SCAI: variants seen among roughly 807,000 people sequenced by gnomAD.
SCAI encodes suppressor of cancer cell invasion.
In SCAI, 24 loss-of-function variants were observed where a neutral mutation model predicts 92.2. That is an observed-to-expected ratio of 0.26 (90% CI 0.19 to 0.37). The LOEUF (loss-of-function observed/expected upper bound fraction) is 0.37, where lower values mean the gene tolerates loss of function less well. Among genes scored for constraint, SCAI ranks in the 10% least tolerant of loss-of-function variants. SCAI has a pLI of 1.00. For synonymous variants in SCAI, 261 were observed against 258.6 expected (o/e 1.01, Z -0.09); for missense variants, 450 against 736.2 (o/e 0.61, Z 4.50).
At chr9:125,025,325 A>T (rs1033977150) in intron 6 of SCAI, among the ~76,000 whole-genome samples, 4 of 152,352 alleles carry the variant, frequency 2.6e-5, no homozygotes, top group Middle Eastern at 3.4e-3. Context: ...CTGCAAAGGA[A>T]AACAATTCAA....
At chr9:125,033,987 C>G (rs542865995) in intron 3 of SCAI, among the ~76,000 whole-genome samples, 42 of 152,200 alleles carry the variant, frequency 2.8e-4, no homozygotes, top group Non-Finnish European at 4.6e-4. Flanking sequence ...GGGAAATAGA[C>G]GACACACAAG....
At chr9:125,102,839 C>A (rs981320184) in intron 2 of SCAI, among the ~76,000 whole-genome samples, 1 of 152,132 alleles carries the variant, frequency 6.6e-6, no homozygotes, top group Non-Finnish European at 1.5e-5. Flanking sequence ...CTCAGGTGAT[C>A]CACCCACCCC....
intron 2 of SCAI, among the ~76,000 whole-genome samples, chr9:125,131,610 G>A (rs1308103738): frequency 2.6e-5 from 4 of 151,896 alleles, no homozygotes. Flanking sequence ...TTTCATTCTT[G>A]AGTAAAATAT....
chr9:125,079,121 A>C (rs1354900878), intron 2 of SCAI, among the ~76,000 whole-genome samples: 1 of 151,770 alleles, frequency 6.6e-6, no homozygotes, highest in Admixed American at 6.6e-5. Flanking sequence ...CTATTTTGAT[A>C]ATTGTTTCCT....
chr9:124,953,879 A>AT (rs775244733), intron 17 of SCAI, among the ~76,000 whole-genome samples: 66 of 149,932 alleles, frequency 4.4e-4, no homozygotes, highest in South Asian at 3.2e-3. Context: ...ACAAAAATAA[A>AT]TTTTTTTTTT....
chr9:124,978,256 CAT>C (rs1831802885), intron 14 of SCAI, among the ~76,000 whole-genome samples: 2 of 152,160 alleles, frequency 1.3e-5, no homozygotes, highest in South Asian at 4.1e-4. Flanking sequence ...GCCTGGCCAA[CAT>C]AATGAAACCC....
intron 6 of SCAI, among the ~76,000 whole-genome samples, chr9:125,022,648 C>A (rs1187339467): frequency 1.3e-5 from 2 of 152,056 alleles, no homozygotes; most frequent in Non-Finnish European, 2.9e-5. Flanking sequence ...GAACTCCTGG[C>A]CGCAAGCAAT....
At chr9:125,107,822 ATCTCCCTCTCCCCACAG>A (rs1279230221) in intron 2 of SCAI, among the ~76,000 whole-genome samples, 2 of 151,740 alleles carry the variant, frequency 1.3e-5, no homozygotes, top group African/African-American at 4.8e-5. Flanking sequence ...TCCCCTCTCC[ATCTCCCTCTCCCCACAG>A]TCTCCCTCTC....
In SCAI at chr9:125,100,717, AGACAAAGGG is replaced by A. The variant is rs369465692; in HGVS notation, c.98+41907_98+41915del. Among the ~76,000 whole-genome samples the A allele has an allele frequency of 1.0e-3, 155 of 152,326 alleles. 1 individual carries two copies. Among genetic ancestry groups the A allele is most frequent in the African/African-American group, 3.5e-3 (147 of 41,568 alleles). ...TAAGTGCTCTGGAGAAAAAGCAAGC[AGACAAAGGG>A]GACAAAGAGCTGCAATTGGAAACAG... is the stretch of plus-strand genomic sequence containing the variant. On this transcript the variant is annotated intron_variant, in intron 2 of 17. Coordinates refer to ENST00000336505, the MANE Select transcript of SCAI (RefSeq NM_001144877.3).
chr9:125,028,611 A>G, intron 4 of SCAI, 133 bp from the exon 5 acceptor site: 1 of 456,520 alleles, frequency 2.2e-6, no homozygotes, highest in Non-Finnish European at 3.8e-6. Flanking sequence ...ATTTCAATGT[A>G]GTCATTCCAT....
At chr9:125,103,702 T>G (rs1484520615) in intron 2 of SCAI, among the ~76,000 whole-genome samples, 1 of 152,242 alleles carries the variant, frequency 6.6e-6, no homozygotes, top group East Asian at 1.9e-4. Context: ...CAAGTGATGT[T>G]GTTTCACCTT....
At chr9:125,084,158 CTTTTTTTTTTTTTTTTT>C in intron 2 of SCAI, among the ~76,000 whole-genome samples, 1 of 65,138 alleles carries the variant, frequency 1.5e-5, no homozygotes, top group Admixed American at 2.0e-4. Flanking sequence ...TTGGCTGCTG[CTTTTTTTTTTTTTTTTT>C]TTTTTTTTTT....
chr9:125,105,867 G>C (rs1382913420), intron 2 of SCAI, among the ~76,000 whole-genome samples: 3 of 151,592 alleles, frequency 2.0e-5, no homozygotes, highest in African/African-American at 4.8e-5. Context: ...GGGAGGCCGA[G>C]GCAGGCAGAT....
chr9:125,068,878 G>A (rs548169804), intron 2 of SCAI, among the ~76,000 whole-genome samples: 1 of 151,968 alleles, frequency 6.6e-6, no homozygotes, highest in South Asian at 2.1e-4. Context: ...AGGTAAACAG[G>A]CAGAGAAAAG....
At chr9:125,037,471 C>A (rs2131101898) in intron 3 of SCAI, among the ~76,000 whole-genome samples, 1 of 152,110 alleles carries the variant, frequency 6.6e-6, no homozygotes, top group South Asian at 2.1e-4. Flanking sequence ...AAAGAACAAT[C>A]CCATGACCTA....
At chr9:125,065,034 A>G (rs1833847502) in intron 2 of SCAI, among the ~76,000 whole-genome samples, 1 of 152,208 alleles carries the variant, frequency 6.6e-6, no homozygotes, top group Admixed American at 6.5e-5. Context: ...AAACACATAC[A>G]TTTAAAAAGA....
At chr9:125,081,646 C>T (rs1293923495) in intron 2 of SCAI, among the ~76,000 whole-genome samples, 2 of 152,202 alleles carry the variant, frequency 1.3e-5, no homozygotes, top group East Asian at 3.9e-4. Flanking sequence ...CATCTCAGCT[C>T]ACTGCAACCT....
At chr9:124,963,239 C>T (rs559656176) in intron 17 of SCAI, among the ~76,000 whole-genome samples, 13 of 150,902 alleles carry the variant, frequency 8.6e-5, no homozygotes, top group East Asian at 8.0e-4. Context: ...CAGGTTCAAG[C>T]GATTCTCCTG....
chr9:125,006,124 C>T (rs566938304), intron 9 of SCAI, among the ~76,000 whole-genome samples: 7 of 152,196 alleles, frequency 4.6e-5, no homozygotes, highest in Admixed American at 2.6e-4. Context: ...GACAGAATTA[C>T]ATCAAAGAAG....
Sources: allele counts gnomAD v4.1 joint callset (sites outside exome capture counted in the v4.1 genomes callset), GRCh38; gene constraint gnomAD v4.1.1; transcripts MANE v1.5; gene names NCBI Gene and HGNC (gene_info 2026-07-23, HGNC 2026-07-21).